FBP2: variants seen among roughly 807,000 people sequenced by gnomAD.
FBP2 encodes the protein fructose-1,6-bisphosphatase isozyme 2.
FBP2 carries 27 observed loss-of-function variants against 31.6 expected under a neutral mutation model. The observed-to-expected ratio is 0.85, with a 90% CI of 0.63 to 1.18. The LOEUF is 1.18. Ranked by LOEUF, FBP2 falls within the 50% of genes most tolerant of loss-of-function variation. The probability of loss-of-function intolerance (pLI) is 0.00; values close to 1 mark genes in which losing one functional copy is unlikely to be tolerated. For synonymous variants in FBP2, 168 were observed against 179.8 expected (o/e 0.93, Z 0.53); for missense variants, 421 against 436.1 (o/e 0.97, Z 0.31).
rs60803903 is a variant in FBP2 at position 94,583,818 on chromosome 9, C to T, written c.426+759G>A. On this transcript the variant is annotated intron_variant, in intron 3 of 6. Transcript: ENST00000375337. ...TTCACCATGTTTCCCAGACTGGTCT[C>T]GACCACCTAGCCTCAAGGCCTCAAG... 7.0e-3 allele frequency among the ~76,000 whole-genome samples: 1,071 copies of T among 152,236 alleles called. 10 individuals are homozygous for T. The highest frequency in any genetic ancestry group is 0.024 in the African/African-American group (1,016 of 41,538).
intron 1 of FBP2, among the ~76,000 whole-genome samples, chr9:94,591,791 A>G (rs1333366975): frequency 6.6e-6 from 1 of 151,926 alleles, no homozygotes; most frequent in Non-Finnish European, 1.5e-5. Flanking sequence ...ATGCTACTAT[A>G]CTCTCCATTT....
At chr9:94,571,244 G>A (rs912284811) in intron 4 of FBP2, among the ~76,000 whole-genome samples, 7 of 152,178 alleles carry the variant, frequency 4.6e-5, no homozygotes, top group African/African-American at 1.7e-4. Context: ...TGATGCAACT[G>A]GCTCTGCAGG....
rs1271032106 is a variant in FBP2, at chr9:94,571,562, C to T, written c.467G>A (p.Cys156Tyr). ...DEPSEKDALQCGRNIVAAGYA... is the reference protein window; with the variant it reads ...DEPSEKDALQYGRNIVAAGYA... Reference sequence around the variant, plus strand: ...ACCTGCGGCCACAATATTGCGGCCACACTGCAGGGCATCCTTTTCAGAAGG... The same window carrying T: ...ACCTGCGGCCACAATATTGCGGCCATACTGCAGGGCATCCTTTTCAGAAGG... The change falls in exon 4 of 7, where the codon TGT becomes TAT. Residue 156 changes from cysteine (C) to tyrosine (Y), a missense_variant. Physicochemically the swap from Cys to Tyr is radical, Grantham distance 194. Coordinates refer to ENST00000375337, the MANE Select transcript of FBP2 (RefSeq NM_003837.4). The T allele has an allele frequency of 1.2e-6, 2 of 1,613,900 alleles. No homozygotes were observed. Among genetic ancestry groups the T allele is most frequent in the Admixed American group, 3.3e-5 (2 of 60,012 alleles).
At chr9:94,582,013 C>T (rs78359117) in intron 3 of FBP2, among the ~76,000 whole-genome samples, 7,734 of 152,296 alleles carry the variant, frequency 0.051, 269 homozygotes, top group Middle Eastern at 0.095. Flanking sequence ...AGCAGCCAAA[C>T]AAGCGCTGGC....
At chr9:94,578,846 G>A (rs1196536781) in intron 3 of FBP2, among the ~76,000 whole-genome samples, 21 of 151,740 alleles carry the variant, frequency 1.4e-4, no homozygotes, top group Non-Finnish European at 2.9e-4. Flanking sequence ...AAGGTCAGGA[G>A]ATCGAGACCA....
chr9:94,575,814 G>A (rs574592039), intron 3 of FBP2, among the ~76,000 whole-genome samples: 28 of 152,292 alleles, frequency 1.8e-4, no homozygotes, highest in African/African-American at 6.7e-4. Context: ...GGAGAATGGT[G>A]TCTCACTGTG....
chr9:94,584,728 CTG>C, intron 2 of FBP2, 59 bp from the exon 3 acceptor site: 2 of 1,044,066 alleles, frequency 1.9e-6, no homozygotes, highest in Non-Finnish European at 3.0e-6. Flanking sequence ...CACAATTGCT[CTG>C]TGTCAGGGCT....
chr9:94,561,607 C>T (rs1349141221), intron 6 of FBP2, among the ~76,000 whole-genome samples: 2 of 152,036 alleles, frequency 1.3e-5, no homozygotes, highest in Non-Finnish European at 2.9e-5. Flanking sequence ...CCTCGTGATC[C>T]ACCCGCCTTG....
At chr9:94,560,765 G>A (rs1827086825) in intron 6 of FBP2, among the ~76,000 whole-genome samples, 1 of 147,046 alleles carries the variant, frequency 6.8e-6, no homozygotes, top group Non-Finnish European at 1.5e-5. Context: ...TTTATATAAT[G>A]TTATTATATA....
At chr9:94,563,907 T>C (rs1216960093) in intron 5 of FBP2, among the ~76,000 whole-genome samples, 1 of 152,140 alleles carries the variant, frequency 6.6e-6, no homozygotes, top group African/African-American at 2.4e-5. Flanking sequence ...CATTACATAA[T>C]GGTAAAGGGC....
intron 6 of FBP2, among the ~76,000 whole-genome samples, chr9:94,562,045 C>A (rs984967347): frequency 2.6e-5 from 4 of 152,152 alleles, no homozygotes; most frequent in African/African-American, 9.7e-5. Context: ...GGCGCTGTGA[C>A]TCATACCTGT....
intron 6 of FBP2, 92 bp from the exon 7 acceptor site, chr9:94,559,224 G>A (rs927543316): frequency 3.4e-5 from 40 of 1,168,032 alleles, no homozygotes; most frequent in Middle Eastern, 2.9e-4. Context: ...TTTGTACTGC[G>A]GTGCTTCCAT....
At chr9:94,587,061 G>C (rs773347935) in intron 2 of FBP2, among the ~76,000 whole-genome samples, 1 of 152,148 alleles carries the variant, frequency 6.6e-6, no homozygotes, top group East Asian at 1.9e-4. Context: ...ACGAACAAGC[G>C]CCCACTGAGG....
At chr9:94,567,586 T>G in intron 4 of FBP2, 179 bp from the exon 5 acceptor site, 1 of 619,828 alleles carries the variant, frequency 1.6e-6, no homozygotes, top group Non-Finnish European at 2.8e-6. Context: ...ATAGGGACCA[T>G]ATGGAGCCCA....
In FBP2 at chr9:94,563,330, A is replaced by G; in HGVS notation, c.825+12T>C. On this transcript the variant is annotated intron_variant, in intron 6 of 6. Coordinates refer to ENST00000375337, the MANE Select transcript of FBP2 (RefSeq NM_003837.4). The stretch of plus-strand genomic sequence containing the variant: ...TGACCGGATGCACAGCCAGTGGACA[A>G]GGGAGAATTACCTTGCCCTTAGGGC... 1 of 1,613,342 alleles carries G rather than the reference A, an allele frequency of 6.2e-7. No homozygotes were observed. Among genetic ancestry groups the G allele is most frequent in the Non-Finnish European group, 8.5e-7 (1 of 1,179,584 alleles).
rs370659645 is a variant in FBP2 at position 94,559,033 on chromosome 9, C to T, written c.925G>A (p.Glu309Lys). The T allele has an allele frequency of 4.4e-5, 71 of 1,614,002 alleles. No homozygotes were observed. Among genetic ancestry groups the T allele is most frequent in the Admixed American group, 1.0e-4 (6 of 59,996 alleles). ...AGGGGGACTCGCTGGTGAATTGCCT[C>T]GGGCTTCACGTCCAGTACAGGCTGG... The part of the protein sequence containing the change: ...GTQPVLDVKP[E>K]AIHQRVPLIL... Residue 309 changes from glutamate (E) to lysine (K), a missense_variant, in exon 7 of 7, where the codon GAG becomes AAG. Physicochemically the swap from Glu to Lys is moderately conservative, Grantham distance 56. Transcript: ENST00000375337.
At chr9:94,563,591 G>A (rs1181344869) in intron 5 of FBP2, 130 bp from the exon 6 acceptor site, 1 of 967,892 alleles carries the variant, frequency 1.0e-6, no homozygotes, top group East Asian at 2.5e-5. Context: ...ACTAGTGTAG[G>A]AATTGAAAAG....
intron 5 of FBP2, 31 bp downstream of exon 5, chr9:94,567,239 G>C (rs372051710): frequency 1.3e-5 from 21 of 1,612,864 alleles, no homozygotes; most frequent in Non-Finnish European, 1.4e-5. Flanking sequence ...ACAGCATTCT[G>C]TCTGCCACCC....
At chr9:94,576,583 G>A (rs1827317087) in intron 3 of FBP2, 1 of 152,272 alleles carries the variant, frequency 6.6e-6, no homozygotes, top group Admixed American at 6.5e-5. Flanking sequence ...CAGCTGCCTA[G>A]ATGCTTTTGT....
Sources: allele counts gnomAD v4.1 joint callset (sites outside exome capture counted in the v4.1 genomes callset), GRCh38; gene constraint gnomAD v4.1.1; transcripts MANE v1.5; gene names NCBI Gene and HGNC (gene_info 2026-07-23, HGNC 2026-07-21).